Variants in PM20D2 observed in about 807,000 individuals in gnomAD.
PM20D2 encodes the protein xaa-Arg dipeptidase.
In PM20D2, 33 loss-of-function variants were observed where a neutral mutation model predicts 42.9. The ratio of observed to expected loss-of-function variants is 0.77; its 90% CI spans 0.58 to 1.03. The LOEUF (loss-of-function observed/expected upper bound fraction) is 1.03. Among genes scored for constraint, PM20D2 ranks in the 50% least tolerant of loss-of-function variants. PM20D2 has a pLI of 0.00. For missense variants in PM20D2, 548 were observed against 557.0 expected (o/e 0.98, Z 0.16); for synonymous variants, 250 against 228.2 (o/e 1.10, Z -0.86).
chr6:89,152,205 CCTG>C (rs1256301595), intron 2 of PM20D2, among the ~76,000 whole-genome samples: 2 of 152,184 alleles, frequency 1.3e-5, no homozygotes, highest in African/African-American at 4.8e-5. Context: ...TGATTTTTGT[CCTG>C]CTAATAGAAT....
rs1771372212 is a variant in PM20D2 at position 89,164,994 on chromosome 6, G to A, written c.*2731G>A. On this transcript the variant is annotated 3_prime_UTR_variant, in exon 7 of 7. Coordinates refer to ENST00000275072, the MANE Select transcript of PM20D2 (RefSeq NM_001010853.3). ...CCAGAAAGCTTGTGGTGGGTGGTAAGTTCTCACGAGATTTATTTATCTGAG... is the reference window on the plus strand; with the variant it reads ...CCAGAAAGCTTGTGGTGGGTGGTAAATTCTCACGAGATTTATTTATCTGAG... 1 of 151,360 alleles carries A rather than the reference G, an allele frequency of 6.6e-6. No individual in the cohort carries two copies. The highest frequency in any genetic ancestry group is 2.1e-4 in the South Asian group (1 of 4,808). The allele number at this position is 151,360 out of a possible 1,614,324, so 9.4% of individuals were successfully genotyped here.
chr6:89,144,912 C>T (rs369268134), upstream of PM20D2, among the ~76,000 whole-genome samples: 1 of 152,078 alleles, frequency 6.6e-6, no homozygotes, highest in East Asian at 1.9e-4. Context: ...AGTTTTCAGA[C>T]GTGAATGGAA....
At chr6:89,130,224 C>G in the PM20D2 span, among the ~76,000 whole-genome samples, 2 of 152,048 alleles carry the variant, frequency 1.3e-5, no homozygotes, top group Admixed American at 6.6e-5. Context: ...GCTGGGACCA[C>G]AGGCCTGCAT....
In PM20D2 at chr6:89,154,863, A is replaced by C. The variant is rs1261500566; in HGVS notation, c.873A>C (p.Glu291Asp). 6.2e-7 allele frequency: 1 copy of C among 1,608,936 alleles called. No homozygotes were observed. Among genetic ancestry groups the C allele is most frequent in the Non-Finnish European group, 8.5e-7 (1 of 1,178,114 alleles). Residue 291 changes from glutamate to aspartate, a missense_variant, in exon 4 of 7, where the codon GAA becomes GAC. By Grantham distance (45) the Glu-to-Asp change is conservative. Coordinates refer to ENST00000275072, the MANE Select transcript of PM20D2 (RefSeq NM_001010853.3). ...KELQVLTKKA[E>D]DCFRAAALAS... ...TTCAAGTTTTGACCAAAAAGGCAGA[A>C]GATTGCTTCAGAGCTGCAGCTTTGG...
rs1770911087 is a variant in PM20D2 at position 89,153,138 on chromosome 6, A to G, written c.710A>G (p.Asn237Ser). The G allele has an allele frequency of 3.7e-6, 6 of 1,611,866 alleles. No homozygotes were observed. The highest frequency in any genetic ancestry group is 2.2e-5 in the South Asian group (2 of 90,728). Residue 237 changes from asparagine to serine, a missense_variant, in exon 3 of 7, where the codon AAT (asparagine) becomes AGT (serine). By Grantham distance (46) the Asn-to-Ser change is conservative (BLOSUM62 1). Transcript: ENST00000275072. ...GATGCTGCTGTGCTGGCCTATAACAATCTGTCTGTGTTCAGACAGCAAATG... is the reference window on the plus strand; with the variant it reads ...GATGCTGCTGTGCTGGCCTATAACAGTCTGTCTGTGTTCAGACAGCAAATG... ...ALDAAVLAYN[N>S]LSVFRQQMKP...
chr6:89,146,622 C>T lies in PM20D2; in HGVS notation c.465+13C>T. 1 of 1,412,894 alleles carries T rather than the reference C, an allele frequency of 7.1e-7. No individual in the cohort carries two copies. The highest frequency in any genetic ancestry group is 2.9e-5 in the East Asian group (1 of 34,514). 87.5% of individuals were successfully genotyped at this position (1,412,894 alleles called of 1,614,324 possible). A position where few individuals can be genotyped will look rare whatever the true frequency, so the allele number is the denominator to read the frequency against. ...TCCGCCCGTGAAGGTGAGGTGGGGCCCGGGTGCGGGACCCTATCCGACTGC... is the reference window on the plus strand; with the variant it reads ...TCCGCCCGTGAAGGTGAGGTGGGGCTCGGGTGCGGGACCCTATCCGACTGC... On this transcript the variant is annotated intron_variant, in intron 1 of 6. Transcript: ENST00000275072.
At chr6:89,136,714 C>A in the PM20D2 span, among the ~76,000 whole-genome samples, 7 of 151,040 alleles carry the variant, frequency 4.6e-5, no homozygotes, top group Non-Finnish European at 8.8e-5. Flanking sequence ...ACTATATATA[C>A]CTTTATATTT....
the PM20D2 span, among the ~76,000 whole-genome samples, chr6:89,110,855 C>T: frequency 2.6e-5 from 4 of 152,098 alleles, no homozygotes; most frequent in Non-Finnish European, 5.9e-5. Context: ...GTGGCTGATA[C>T]CTGCAATACC....
At chr6:89,137,288 C>T in the PM20D2 span, among the ~76,000 whole-genome samples, 1 of 152,160 alleles carries the variant, frequency 6.6e-6, no homozygotes, top group African/African-American at 2.4e-5. Context: ...CTTTGGGAGG[C>T]TGAGTGGGAG....
the PM20D2 span, among the ~76,000 whole-genome samples, chr6:89,100,619 A>G: frequency 1.3e-5 from 2 of 152,180 alleles, no homozygotes; most frequent in African/African-American, 4.8e-5. Flanking sequence ...ATCATCAAAC[A>G]GGAATTTAAA....
intron 4 of PM20D2, among the ~76,000 whole-genome samples, chr6:89,157,987 A>T (rs1485766499): frequency 6.6e-6 from 1 of 152,206 alleles, no homozygotes; most frequent in Non-Finnish European, 1.5e-5. Flanking sequence ...AGCCTGGGCA[A>T]CAGAGTGAGA....
At position 89,146,498 on chromosome 6, in the gene PM20D2, C is replaced by CGG. The variant is rs1770561350; in HGVS notation, c.355_356dup (p.Ile120AlafsTer22). The stretch of plus-strand genomic sequence containing the variant: ...TCCTCTGCGAGTACGACGCGCTGCC[C>CGG]GGCATCGGCCACGCCTGCGGCCACA... On this transcript the variant is annotated frameshift_variant, in exon 1 of 7. Coordinates refer to ENST00000275072, the MANE Select transcript of PM20D2 (RefSeq NM_001010853.3). LOFTEE classifies it high-confidence loss of function. The CGG allele has an allele frequency of 6.6e-7, 1 of 1,523,462 alleles. No individual in the cohort carries two copies. The highest frequency in any genetic ancestry group is 2.0e-5 in the Admixed American group (1 of 50,218). 94.4% of individuals were successfully genotyped at this position (1,523,462 alleles called of 1,614,324 possible). A position where few individuals can be genotyped will look rare whatever the true frequency, so the allele number is the denominator to read the frequency against.
rs1411167100 is a variant in PM20D2, at chr6:89,158,404, G to A, written c.992G>A (p.Gly331Glu). The change falls in exon 5 of 7, where the codon GGA becomes GAA. Residue 331 changes from glycine (G) to glutamate (E), a missense_variant. By Grantham distance (98) the Gly-to-Glu change is moderately conservative. Around this residue, in one of 3 missense-constraint regions of PM20D2, gnomAD observed 470 missense variants for 464.4 expected, o/e 1.01. Transcript: ENST00000275072. The stretch of plus-strand genomic sequence containing the variant: ...CTATGGAAAGCCTATATGGAAAATG[G>A]AAGAAAGCTAGGAATAGAGTTCATT... ...KSLWKAYMEN[G>E]RKLGIEFISE... 4 of 1,612,720 alleles carry A rather than the reference G, an allele frequency of 2.5e-6. 1 individual carries two copies. Among genetic ancestry groups the A allele is most frequent in the Non-Finnish European group, 3.4e-6 (4 of 1,179,630 alleles).
chr6:89,148,789 C>T (rs754752833), intron 1 of PM20D2, among the ~76,000 whole-genome samples: 8 of 152,104 alleles, frequency 5.3e-5, no homozygotes, highest in Non-Finnish European at 1.0e-4. Flanking sequence ...TCAAAAACAC[C>T]CCCTGTAAAA....
intron 4 of PM20D2, among the ~76,000 whole-genome samples, chr6:89,156,798 C>T (rs1032081332): frequency 4.6e-5 from 7 of 152,082 alleles, no homozygotes; most frequent in African/African-American, 1.7e-4. Context: ...AATATAGAAG[C>T]TCGTGTTGTG....
chr6:89,109,959 C>T, the PM20D2 span, among the ~76,000 whole-genome samples: 4 of 151,960 alleles, frequency 2.6e-5, no homozygotes, highest in East Asian at 1.9e-4. Flanking sequence ...GGCGTGGTGG[C>T]GGGCGCCTGT....
rs869258236 is a variant in PM20D2, at chr6:89,163,331, C to CT, written c.*1074dup. The CT allele has an allele frequency of 4.6e-5, 7 of 152,148 alleles. No individual in the cohort carries two copies. Among genetic ancestry groups the CT allele is most frequent in the African/African-American group, 1.4e-4 (6 of 41,500 alleles). 9.4% of individuals were successfully genotyped at this position (152,148 alleles called of 1,614,324 possible). A position where few individuals can be genotyped will look rare whatever the true frequency, so the allele number is the denominator to read the frequency against. On this transcript the variant is annotated 3_prime_UTR_variant, in exon 7 of 7. Transcript: ENST00000275072. ...GCTTCAGGTACACATAAGAAAACCT[C>CT]TTTTTTAAAAAAATTTTTATTTTTT...
At chr6:89,119,838 A>G in the PM20D2 span, among the ~76,000 whole-genome samples, 1 of 151,956 alleles carries the variant, frequency 6.6e-6, no homozygotes, top group Non-Finnish European at 1.5e-5. Flanking sequence ...TTTATTTTAG[A>G]TGGAGTCTAT....
the PM20D2 span, among the ~76,000 whole-genome samples, chr6:89,136,014 C>T: frequency 6.6e-6 from 1 of 151,162 alleles, no homozygotes; most frequent in Non-Finnish European, 1.5e-5. Context: ...AGGTAAGTTG[C>T]CATGTGGGCA....
Sources: allele counts gnomAD v4.1 joint callset (sites outside exome capture counted in the v4.1 genomes callset), GRCh38; gene constraint gnomAD v4.1.1; regional missense constraint gnomAD v4.1.1; transcripts MANE v1.5; gene names NCBI Gene and HGNC (gene_info 2026-07-23, HGNC 2026-07-21).